The following SCGB2B2 variants were observed in gnomAD, a reference collection of about 807,000 sequenced individuals.
The protein encoded by SCGB2B2 is secretoglobin family 2B member 2, also known as secretoglobin-like protein.
Under a neutral mutation model 7.6 loss-of-function variants are expected in SCGB2B2, and 11 were observed. That is an observed-to-expected ratio of 1.45 (90% CI 0.91 to 2.40). SCGB2B2 has a LOEUF of 2.40. Ranked by LOEUF, SCGB2B2 falls within the 30% of genes most tolerant of loss-of-function variation. The probability of loss-of-function intolerance (pLI) is 0.00; values close to 1 mark genes in which losing one functional copy is unlikely to be tolerated. For missense variants in SCGB2B2, 104 were observed against 115.4 expected (o/e 0.90, Z 0.45); for synonymous variants, 50 against 48.6 (o/e 1.03, Z -0.12).
intron 3 of SCGB2B2, among the ~76,000 whole-genome samples, chr19:34,593,854 CTGTG>C (rs2065363915): frequency 6.6e-6 from 1 of 151,944 alleles, no homozygotes; most frequent in African/African-American, 2.4e-5. Context: ...TAACAGCGTC[CTGTG>C]TGAGTGTGTG....
intron 1 of SCGB2B2, among the ~76,000 whole-genome samples, chr19:34,642,439 G>C (rs1231043764): frequency 1.3e-5 from 2 of 151,944 alleles, no homozygotes; most frequent in African/African-American, 4.8e-5. Context: ...AAAGGGGCCG[G>C]GCCTGGTGGC....
chr19:34,652,101 CCTAT>C (rs1338664383), intron 1 of SCGB2B2, among the ~76,000 whole-genome samples: 1 of 150,884 alleles, frequency 6.6e-6, no homozygotes, highest in Non-Finnish European at 1.5e-5. Flanking sequence ...AAACTAGACC[CCTAT>C]CTCTCATTAT....
intron 1 of SCGB2B2, among the ~76,000 whole-genome samples, chr19:34,601,992 A>G (rs2065638419): frequency 6.6e-6 from 1 of 152,216 alleles, no homozygotes; most frequent in Admixed American, 6.5e-5. Context: ...AAATTTTAAA[A>G]AGTATTTCTG....
chr19:34,591,341 C>T lies in SCGB2B2; in HGVS notation c.*2214G>A, dbSNP rs1021431168. Among the ~76,000 whole-genome samples, 12 of 152,224 alleles carry T rather than the reference C, an allele frequency of 7.9e-5. No homozygotes were observed. Among genetic ancestry groups the T allele is most frequent in the African/African-American group, 2.9e-4 (12 of 41,456 alleles). On this transcript the variant is annotated 3_prime_UTR_variant, in exon 4 of 4. Coordinates refer to ENST00000601241, the MANE Select transcript of SCGB2B2 (RefSeq NM_001025591.4). Reference sequence around the variant, plus strand: ...TTGATTCCCCTTCTCTCCACATCCTCTCCCCATATTCAATTCAACAGCAGG... The same window carrying T: ...TTGATTCCCCTTCTCTCCACATCCTTTCCCCATATTCAATTCAACAGCAGG...
At chr19:34,668,311 C>T (rs562461313) in intron 1 of SCGB2B2, among the ~76,000 whole-genome samples, 3 of 152,162 alleles carry the variant, frequency 2.0e-5, no homozygotes. Context: ...CCTGCCTGCC[C>T]GGGCAGTGAG....
At chr19:34,588,890 C>A (rs965325551), downstream of SCGB2B2, among the ~76,000 whole-genome samples, 1 of 129,272 alleles carries the variant, frequency 7.7e-6, no homozygotes, top group African/African-American at 2.9e-5. Context: ...TTGGAACCAC[C>A]CTGGCAGAGG....
intron 1 of SCGB2B2, among the ~76,000 whole-genome samples, chr19:34,617,549 TTGC>T (rs1302052944): frequency 1.3e-5 from 2 of 151,850 alleles, no homozygotes; most frequent in Non-Finnish European, 2.9e-5. Flanking sequence ...TCCTGAGACT[TTGC>T]TGAAGTTGCT....
At chr19:34,660,587 A>G (rs2067425515) in intron 1 of SCGB2B2, among the ~76,000 whole-genome samples, 1 of 152,202 alleles carries the variant, frequency 6.6e-6, no homozygotes, top group Admixed American at 6.6e-5. Context: ...ACAGTGAGAT[A>G]CCAGTTAGAA....
chr19:34,640,844 A>T (rs1326328540), intron 1 of SCGB2B2, among the ~76,000 whole-genome samples: 6 of 151,870 alleles, frequency 4.0e-5, no homozygotes, highest in Non-Finnish European at 8.8e-5. Flanking sequence ...CTTTATTATT[A>T]TTTTTTTCCA....
intron 1 of SCGB2B2, chr19:34,646,539 G>T (rs2067017285): frequency 6.6e-6 from 1 of 152,524 alleles, no homozygotes; most frequent in African/African-American, 2.4e-5. Flanking sequence ...GAAATGGACA[G>T]ACCTTAAGGA....
chr19:34,588,177 C>T (rs1293328235), downstream of SCGB2B2, among the ~76,000 whole-genome samples: 1 of 152,180 alleles, frequency 6.6e-6, no homozygotes, highest in African/African-American at 2.4e-5. Context: ...TGATAGGAGA[C>T]ATTTTATTAC....
chr19:34,625,296 G>A (rs923961976), intron 1 of SCGB2B2, among the ~76,000 whole-genome samples: 7 of 152,190 alleles, frequency 4.6e-5, no homozygotes, highest in Non-Finnish European at 8.8e-5. Flanking sequence ...GCAGCGCACC[G>A]AGTGTGAGAC....
chr19:34,622,740 CAG>C (rs1172727933), intron 1 of SCGB2B2, among the ~76,000 whole-genome samples: 4 of 152,130 alleles, frequency 2.6e-5, no homozygotes, highest in South Asian at 2.1e-4. Flanking sequence ...TGAGAAAAAT[CAG>C]AGAGATCTTT....
intron 1 of SCGB2B2, among the ~76,000 whole-genome samples, chr19:34,623,222 C>T (rs2066283635): frequency 6.6e-6 from 1 of 152,144 alleles, no homozygotes; most frequent in Admixed American, 6.5e-5. Context: ...ACCTAACATC[C>T]TTCCAGCAGA....
At position 34,593,114 on chromosome 19, in the gene SCGB2B2, G is replaced by A. The variant is rs1433054931; in HGVS notation, c.*441C>T. On this transcript the variant is annotated 3_prime_UTR_variant, in exon 4 of 4. Coordinates refer to ENST00000601241, the MANE Select transcript of SCGB2B2 (RefSeq NM_001025591.4). ...AGGTAGGTGGATCATTTGCGGTCAGGAGTTTGAGACCAGCCTGGCCAACAT... is the reference window on the plus strand; with the variant it reads ...AGGTAGGTGGATCATTTGCGGTCAGAAGTTTGAGACCAGCCTGGCCAACAT... Among the ~76,000 whole-genome samples the A allele has an allele frequency of 6.6e-6, 1 of 152,130 alleles. No homozygotes were observed.
rs868821376 is a variant in SCGB2B2 at position 34,593,545 on chromosome 19, G to T, written c.*10C>A. 3 of 1,546,122 alleles carry T rather than the reference G, an allele frequency of 1.9e-6. No individual in the cohort carries two copies. The highest frequency in any genetic ancestry group is 3.8e-4 in the Middle Eastern group (2 of 5,244). On this transcript the variant is annotated 3_prime_UTR_variant, in exon 4 of 4. Transcript: ENST00000601241. ...GGAGGGCCAATATCTGATCTGCAGGGGTCCTCAGATCAGAAGGCTGCTTCT... is the reference window on the plus strand; with the variant it reads ...GGAGGGCCAATATCTGATCTGCAGGTGTCCTCAGATCAGAAGGCTGCTTCT...
chr19:34,633,696 G>A (rs1304832185), intron 1 of SCGB2B2, among the ~76,000 whole-genome samples: 1 of 152,124 alleles, frequency 6.6e-6, no homozygotes, highest in Non-Finnish European at 1.5e-5. Context: ...TGATTATGGA[G>A]ATGGTTTCCT....
rs377025411 is a variant in SCGB2B2 at position 34,621,470 on chromosome 19, C to T, written c.-2031-24876G>A. Reference sequence around the variant, plus strand: ...ATTTTTTTTTTTTCCCCAAGGAGTCCCAGGCCATCAGAAGCTATCTAGGGC... The same window carrying T: ...ATTTTTTTTTTTTCCCCAAGGAGTCTCAGGCCATCAGAAGCTATCTAGGGC... On this transcript the variant is annotated intron_variant, in intron 1 of 3. Coordinates refer to ENST00000601241, the MANE Select transcript of SCGB2B2 (RefSeq NM_001025591.4). Among the ~76,000 whole-genome samples the T allele has an allele frequency of 4.6e-5, 7 of 151,144 alleles. No homozygotes were observed. The East Asian group carries it at 1.2e-3, about 25-fold the overall frequency.
At chr19:34,614,048 C>A (rs866968904) in intron 1 of SCGB2B2, among the ~76,000 whole-genome samples, 3 of 152,122 alleles carry the variant, frequency 2.0e-5, no homozygotes, top group African/African-American at 4.8e-5. Flanking sequence ...TTTTAGAATT[C>A]TCCCTCCTTC....
Sources: gnomAD v4.1 joint callset for allele counts (sites outside exome capture counted in the v4.1 genomes callset) on GRCh38, gnomAD v4.1.1 for gene constraint, MANE v1.5 for transcripts, NCBI Gene and HGNC (gene_info 2026-07-23, HGNC 2026-07-21) for gene names.